KANK3: variants seen among roughly 807,000 people sequenced by gnomAD.
KANK3 encodes the protein KN motif and ankyrin repeat domains 3.
A neutral mutation model predicts 65.4 loss-of-function variants in KANK3; 61 were observed. That is an observed-to-expected ratio of 0.93 (90% CI 0.76 to 1.15). KANK3 has a LOEUF of 1.15. Ranked by LOEUF, KANK3 falls within the 50% of genes most tolerant of loss-of-function variation. KANK3 has a pLI of 0.00. For missense variants in KANK3, 1,187 were observed against 1,178.8 expected (o/e 1.01, Z -0.10); for synonymous variants, 586 against 543.3 (o/e 1.08, Z -1.09).
chr19:8,326,526 G>A lies in KANK3; in HGVS notation c.1937-1430C>T, dbSNP rs376632831. Among the ~76,000 whole-genome samples, 5 of 134,682 alleles carry A rather than the reference G, an allele frequency of 3.7e-5. No individual in the cohort carries two copies. The East Asian group carries it at 9.6e-4, about 26-fold the overall frequency. The allele number at this position is 134,682 out of a possible 152,430, so 88.4% of individuals were successfully genotyped here. ...AAAAAAGCCAGGTGCAGTGGCTCAC[G>A]CCTTTAATCCCAGCACTTTGGGAGG... On this transcript the variant is annotated intron_variant, in intron 7 of 10. Transcript: ENST00000330915.
chr19:8,338,006 G>GAA (rs1174988391), intron 1 of KANK3, 150 bp from the exon 2 acceptor site: 1 of 466,102 alleles, frequency 2.1e-6, no homozygotes, highest in African/African-American at 2.2e-5. Context: ...CTTCCCTAAA[G>GAA]AAACCTTGAA....
intron 7 of KANK3, among the ~76,000 whole-genome samples, chr19:8,325,559 C>T (rs1469358739): frequency 1.3e-5 from 2 of 151,968 alleles, no homozygotes; most frequent in African/African-American, 4.8e-5. Flanking sequence ...AGGCATGAGC[C>T]ACTGGCCCAG....
chr19:8,338,858 A>T (rs1200782285), intron 1 of KANK3, among the ~76,000 whole-genome samples: 2 of 133,136 alleles, frequency 1.5e-5, no homozygotes, highest in Admixed American at 8.8e-5. Flanking sequence ...CTGGCAACAG[A>T]GCGAGATTCC....
At chr19:8,326,810 A>AC (rs1315102919) in intron 7 of KANK3, among the ~76,000 whole-genome samples, 5 of 151,456 alleles carry the variant, frequency 3.3e-5, no homozygotes, top group Admixed American at 6.6e-5. Context: ...GAAAAAAAAA[A>AC]AAAAACCTGC....
chr19:8,328,896 G>A (rs552829499), intron 7 of KANK3, among the ~76,000 whole-genome samples: 147 of 152,210 alleles, frequency 9.7e-4, no homozygotes, highest in Admixed American at 1.5e-3. Flanking sequence ...TGGGCCGAGC[G>A]CGGTGGCTCA....
intron 7 of KANK3, 27 bp downstream of exon 7, chr19:8,332,987 T>TTTGC: frequency 2.5e-6 from 1 of 395,198 alleles, no homozygotes; most frequent in Non-Finnish European, 4.8e-6. Flanking sequence ...TTTCCTGGTG[T>TTTGC]CCCACCCACC....
intron 1 of KANK3, among the ~76,000 whole-genome samples, chr19:8,342,313 C>T (rs911202226): frequency 6.6e-6 from 1 of 152,140 alleles, no homozygotes; most frequent in African/African-American, 2.4e-5. Context: ...TCCCTCCCAG[C>T]CTACACCTGT....
Position 8,335,063 on chromosome 19 carries a change from GC to G in KANK3, c.763del (p.Ala255ProfsTer86). 1 of 1,331,784 alleles carries G rather than the reference GC, an allele frequency of 7.5e-7. No individual in the cohort carries two copies. Among genetic ancestry groups the G allele is most frequent in the Non-Finnish European group, 9.6e-7 (1 of 1,046,854 alleles). The allele number at this position is 1,331,784 out of a possible 1,614,324, so 82.5% of individuals were successfully genotyped here. ...GGCACGGCCGCCGCGCTCGGAGGTG[GC>G]CAGGCGCTCGGTGAGCCGCCGCAGC... Reference protein sequence around the residue: ...AQLRRLTERLATSERGGRARA... With the variant: ...AQLRRLTERLXTSERGGRARA... On this transcript the variant is annotated frameshift_variant, in exon 3 of 11. Transcript: ENST00000330915. LOFTEE classifies it high-confidence loss of function.
At position 8,334,962 on chromosome 19, in the gene KANK3, C is replaced by G. The variant is rs762166341; in HGVS notation, c.865G>C (p.Gly289Arg). Residue 289 changes from glycine to arginine, a missense_variant, in exon 3 of 11, where the codon GGG becomes CGG. Transcript: ENST00000330915. ...RSEGALQVLD[G>R]EVGSLDGTPQ... is the part of the protein sequence containing the mutation. ...GTCCCATCGAGACTCCCGACCTCCC[C>G]GTCGAGGACCTGGAGCGCGCCCTCG... The G allele has an allele frequency of 2.0e-6, 3 of 1,494,840 alleles. No homozygotes were observed. The highest frequency in any genetic ancestry group is 2.6e-6 in the Non-Finnish European group (3 of 1,132,450). 92.6% of individuals were successfully genotyped at this position (1,494,840 alleles called of 1,614,324 possible).
Position 8,324,989 on chromosome 19 carries a change from GTC to G in KANK3, c.2042_2043del (p.Arg681ThrfsTer6), listed in dbSNP as rs771375185. On this transcript the variant is annotated frameshift_variant, in exon 8 of 11. Coordinates refer to ENST00000330915, the MANE Select transcript of KANK3 (RefSeq NM_198471.3). LOFTEE classifies it high-confidence loss of function. ...QEEEDMAVVQ[R>X]LFCMGDVNAK... Reference sequence around the variant, plus strand: ...GCATTGACATCACCCATGCAGAAGAGTCTCTGGACCACAGCCATGTCCTCCTC... The same window carrying G: ...GCATTGACATCACCCATGCAGAAGAGTCTGGACCACAGCCATGTCCTCCTC... 3.7e-6 allele frequency: 6 copies of G among 1,612,600 alleles called. No individual in the cohort carries two copies. The highest frequency in any genetic ancestry group is 1.3e-5 in the African/African-American group (1 of 74,076).
At chr19:8,331,210 A>T (rs540163784) in intron 7 of KANK3, among the ~76,000 whole-genome samples, 1 of 116,258 alleles carries the variant, frequency 8.6e-6, no homozygotes, top group South Asian at 2.9e-4. Flanking sequence ...AACAACAACA[A>T]AAAAGGGGTG....
Position 8,335,623 on chromosome 19 carries a change from CG to C in KANK3, c.203del (p.Pro68ArgfsTer48). ...GPAARRAPGP[P>X]TSRRPRAPRP... ...GGGGCGCGCGGGGACGGCGCGAGGT[CG>C]GGGGTCCCGGGGCGCGGCGGGCAGC... is the stretch of plus-strand genomic sequence containing the variant. On this transcript the variant is annotated frameshift_variant, in exon 3 of 11. Transcript: ENST00000330915. LOFTEE classifies it high-confidence loss of function. The C allele has an allele frequency of 8.1e-7, 1 of 1,241,228 alleles. No homozygotes were observed. Among genetic ancestry groups the C allele is most frequent in the Non-Finnish European group, 1.0e-6 (1 of 989,830 alleles). The allele number at this position is 1,241,228 out of a possible 1,614,324, so 76.9% of individuals were successfully genotyped here.
intron 7 of KANK3, among the ~76,000 whole-genome samples, chr19:8,326,258 A>G (rs958041674): frequency 2.6e-5 from 4 of 152,004 alleles, no homozygotes; most frequent in Non-Finnish European, 5.9e-5. Context: ...GGTGAACCCC[A>G]TCTCTACTAA....
Sources: gnomAD v4.1 joint callset for allele counts (sites outside exome capture counted in the v4.1 genomes callset) on GRCh38, gnomAD v4.1.1 for gene constraint, MANE v1.5 for transcripts, NCBI Gene and HGNC (gene_info 2026-07-23, HGNC 2026-07-21) for gene names.